ROBO1: variants seen among roughly 807,000 people sequenced by gnomAD.
ROBO1 encodes the protein roundabout guidance receptor 1.
Under a neutral mutation model 195.9 loss-of-function variants are expected in ROBO1, and 149 were observed. The ratio of observed to expected loss-of-function variants is 0.76; its 90% CI spans 0.67 to 0.87. The LOEUF is 0.87. Among genes scored for constraint, ROBO1 ranks in the 40% least tolerant of loss-of-function variants. The pLI, the probability that ROBO1 is intolerant of heterozygous loss-of-function variation, is 0.00. For synonymous variants in ROBO1, 816 were observed against 733.2 expected (o/e 1.11, Z -1.82); for missense variants, 1,933 against 2,068.3 (o/e 0.93, Z 1.27).
chr3:79,134,215 A>C, intron 2 of ROBO1, among the ~76,000 whole-genome samples: 1 of 136,034 alleles, frequency 7.4e-6, no homozygotes, highest in Non-Finnish European at 1.6e-5. Context: ...ACCCCATCAA[A>C]AAGTGGGCGA....
chr3:78,699,030 A>C (rs927579382), intron 8 of ROBO1, among the ~76,000 whole-genome samples: 1 of 152,152 alleles, frequency 6.6e-6, no homozygotes, highest in African/African-American at 2.4e-5. Context: ...CCCTACGTCC[A>C]CTTAGAAAGC....
At chr3:79,358,528 C>T (rs941241503) in intron 2 of ROBO1, among the ~76,000 whole-genome samples, 1 of 151,942 alleles carries the variant, frequency 6.6e-6, no homozygotes, top group Non-Finnish European at 1.5e-5. Context: ...GTTGATCTCC[C>T]AGATAATACT....
At chr3:79,689,317 G>A (rs1365449766) in intron 1 of ROBO1, among the ~76,000 whole-genome samples, 5 of 151,906 alleles carry the variant, frequency 3.3e-5, no homozygotes, top group East Asian at 1.9e-4. Context: ...ATAATTAGAC[G>A]CGATGACTTA....
At chr3:79,604,472 G>C (rs187253995) in intron 1 of ROBO1, among the ~76,000 whole-genome samples, 1 of 151,968 alleles carries the variant, frequency 6.6e-6, no homozygotes, top group Admixed American at 6.6e-5. Flanking sequence ...GTAGGCACTT[G>C]GTTCTTTGTT....
intron 1 of ROBO1, among the ~76,000 whole-genome samples, chr3:79,739,392 T>TA (rs1703527637): frequency 6.6e-6 from 1 of 152,180 alleles, no homozygotes; most frequent in African/African-American, 2.4e-5. Context: ...TTCCTGGAGC[T>TA]AAACCTTTGT....
intron 2 of ROBO1, among the ~76,000 whole-genome samples, chr3:79,472,703 T>C (rs1252615519): frequency 6.6e-6 from 1 of 152,160 alleles, no homozygotes; most frequent in African/African-American, 2.4e-5. Context: ...TTACTACAGA[T>C]AGAGTCCTTG....
chr3:79,446,886 C>T (rs1459244948), intron 2 of ROBO1, among the ~76,000 whole-genome samples: 4 of 152,186 alleles, frequency 2.6e-5, no homozygotes, highest in East Asian at 1.9e-4. Context: ...TGCAGTGGTG[C>T]GATCTCGGCT....
intron 2 of ROBO1, among the ~76,000 whole-genome samples, chr3:79,272,894 A>G (rs762712862): frequency 4.6e-5 from 7 of 152,108 alleles, no homozygotes; most frequent in Non-Finnish European, 1.0e-4. Context: ...AACAGAAATC[A>G]ATACATTTGG....
intron 2 of ROBO1, among the ~76,000 whole-genome samples, chr3:79,282,117 T>C (rs2109004153): frequency 6.6e-6 from 1 of 152,220 alleles, no homozygotes. Flanking sequence ...ATGTGGTACA[T>C]GCTACGAAAA....
intron 2 of ROBO1, among the ~76,000 whole-genome samples, chr3:79,294,987 T>C (rs1227906342): frequency 2.0e-5 from 3 of 152,204 alleles, no homozygotes; most frequent in African/African-American, 7.2e-5. Flanking sequence ...GGAACGTTTT[T>C]ACACTGTTGG....
At chr3:78,782,425 G>A (rs1217029920) in intron 4 of ROBO1, among the ~76,000 whole-genome samples, 1 of 152,034 alleles carries the variant, frequency 6.6e-6, no homozygotes, top group Non-Finnish European at 1.5e-5. Flanking sequence ...TTGAACTCCT[G>A]GCCTCAAGTG....
intron 2 of ROBO1, among the ~76,000 whole-genome samples, chr3:79,391,102 T>C (rs1414333611): frequency 2.1e-5 from 3 of 140,716 alleles, no homozygotes; most frequent in Non-Finnish European, 4.6e-5. Flanking sequence ...CTGGGTAATA[T>C]AGCAGGACCC....
At chr3:79,406,274 A>AG (rs1287855208) in intron 2 of ROBO1, among the ~76,000 whole-genome samples, 2 of 151,834 alleles carry the variant, frequency 1.3e-5, no homozygotes, top group East Asian at 3.9e-4. Context: ...CTCTAAAAAA[A>AG]AAAGTTAACC....
intron 3 of ROBO1, among the ~76,000 whole-genome samples, chr3:79,067,429 A>G (rs2079021756): frequency 6.6e-6 from 1 of 151,968 alleles, no homozygotes; most frequent in Non-Finnish European, 1.5e-5. Flanking sequence ...TTTCATAATT[A>G]TTGCATAGGC....
chr3:78,828,931 A>C (rs879473842), intron 4 of ROBO1, among the ~76,000 whole-genome samples: 1 of 152,202 alleles, frequency 6.6e-6, no homozygotes, highest in African/African-American at 2.4e-5. Context: ...TAGAAAAAAA[A>C]CTTTCATATA....
intron 2 of ROBO1, among the ~76,000 whole-genome samples, chr3:79,589,163 A>G (rs979846596): frequency 6.6e-6 from 1 of 151,660 alleles, no homozygotes; most frequent in Non-Finnish European, 1.5e-5. Flanking sequence ...TTAAAATTAT[A>G]TTTTCATTAG....
intron 3 of ROBO1, among the ~76,000 whole-genome samples, chr3:78,963,143 A>T (rs989176228): frequency 1.3e-5 from 2 of 151,790 alleles, no homozygotes; most frequent in African/African-American, 4.8e-5. Flanking sequence ...GAGGGTGGGT[A>T]TGAAGAACTA....
At chr3:79,685,499 T>C (rs949609642) in intron 1 of ROBO1, among the ~76,000 whole-genome samples, 6 of 152,314 alleles carry the variant, frequency 3.9e-5, no homozygotes, top group African/African-American at 1.2e-4. Flanking sequence ...GCACATGTGA[T>C]GACTTTGCCT....
At chr3:79,079,069 T>C (rs1168054997) in intron 3 of ROBO1, among the ~76,000 whole-genome samples, 9 of 151,810 alleles carry the variant, frequency 5.9e-5, no homozygotes, top group South Asian at 2.1e-4. Flanking sequence ...TTGGAGACTA[T>C]GTACACACGA....
Sources: allele counts gnomAD v4.1 joint callset (sites outside exome capture counted in the v4.1 genomes callset), GRCh38; gene constraint gnomAD v4.1.1; transcripts MANE v1.5; gene names NCBI Gene and HGNC (gene_info 2026-07-23, HGNC 2026-07-21).